CTTNBP2: variants seen among roughly 807,000 people sequenced by gnomAD.
CTTNBP2 encodes the protein cortactin-binding protein 2.
A neutral mutation model predicts 156.9 loss-of-function variants in CTTNBP2; 108 were observed. That is an observed-to-expected ratio of 0.69 (90% CI 0.59 to 0.81). CTTNBP2 has a LOEUF of 0.81. Ranked by LOEUF, CTTNBP2 falls within the 30% of genes least tolerant of loss-of-function variation. The probability of loss-of-function intolerance (pLI) is 0.00; values close to 1 mark genes in which losing one functional copy is unlikely to be tolerated. For synonymous variants in CTTNBP2, 767 were observed against 751.8 expected (o/e 1.02, Z -0.33); for missense variants, 1,924 against 2,035.4 (o/e 0.95, Z 1.05).
chr7:117,720,374 C>T (rs1435968266), intron 20 of CTTNBP2, among the ~76,000 whole-genome samples: 2 of 152,146 alleles, frequency 1.3e-5, no homozygotes, highest in Non-Finnish European at 2.9e-5. Flanking sequence ...CTGAAATAGT[C>T]TATTTCTTAG....
intron 2 of CTTNBP2, among the ~76,000 whole-genome samples, chr7:117,847,819 C>CT (rs201419286): frequency 0.056 from 5,053 of 90,814 alleles, 1,109 homozygotes; most frequent in Non-Finnish European, 0.073. Context: ...TTTGCCTAAC[C>CT]TTTTTTTTTT....
At chr7:117,852,901 G>C (rs927877108) in intron 2 of CTTNBP2, among the ~76,000 whole-genome samples, 1 of 152,094 alleles carries the variant, frequency 6.6e-6, no homozygotes, top group Admixed American at 6.5e-5. Flanking sequence ...TTGCCTTTGG[G>C]GGAGAGACAT....
intron 12 of CTTNBP2, 70 bp from the exon 13 acceptor site, chr7:117,746,169 G>A (rs914276009): frequency 5.9e-6 from 6 of 1,017,718 alleles, no homozygotes; most frequent in Non-Finnish European, 7.6e-6. Flanking sequence ...TGGTACACAG[G>A]TGTGGAATTC....
chr7:117,774,752 G>A (rs905439898), intron 8 of CTTNBP2, among the ~76,000 whole-genome samples: 1 of 152,008 alleles, frequency 6.6e-6, no homozygotes, highest in Admixed American at 6.6e-5. Flanking sequence ...TGAAAACCAC[G>A]TGGAAACTGA....
chr7:117,849,208 C>T (rs1002320673), intron 2 of CTTNBP2, among the ~76,000 whole-genome samples: 1 of 152,202 alleles, frequency 6.6e-6, no homozygotes, highest in Non-Finnish European at 1.5e-5. Context: ...GCGATTTCAC[C>T]GCAAACCCGA....
chr7:117,812,980 T>A (rs559217316), intron 2 of CTTNBP2, among the ~76,000 whole-genome samples: 1 of 152,286 alleles, frequency 6.6e-6, no homozygotes, highest in South Asian at 2.1e-4. Context: ...AAGAGGTATA[T>A]ATGAAAACCT....
At chr7:117,788,506 C>A (rs1334057176) in intron 4 of CTTNBP2, among the ~76,000 whole-genome samples, 1 of 152,150 alleles carries the variant, frequency 6.6e-6, no homozygotes, top group African/African-American at 2.4e-5. Flanking sequence ...GAAGGTTAAT[C>A]CCCTTCAAAG....
At chr7:117,825,514 C>A (rs1801225410) in intron 2 of CTTNBP2, among the ~76,000 whole-genome samples, 1 of 152,190 alleles carries the variant, frequency 6.6e-6, no homozygotes, top group South Asian at 2.1e-4. Context: ...AGAGTCAGTT[C>A]TCATTTATCC....
At chr7:117,716,818 T>C (rs916901889) in intron 22 of CTTNBP2, among the ~76,000 whole-genome samples, 2 of 152,174 alleles carry the variant, frequency 1.3e-5, no homozygotes, top group African/African-American at 4.8e-5. Flanking sequence ...TAGTTCCACA[T>C]GTAATAGCCA....
In CTTNBP2 at chr7:117,810,898, C is replaced by T; in HGVS notation, c.281G>A (p.Gly94Asp). Reference protein sequence around the residue: ...FLALQRDYEAGAGDKEKKPVC... With the variant: ...FLALQRDYEADAGDKEKKPVC... ...TGGCTTCTTCTCTTTGTCACCAGCA[C>T]CTGCTTCATAGTCTCTCTGGAGTGC... Residue 94 changes from glycine (G) to aspartate (D), a missense_variant, in exon 3 of 23, where the codon GGT (glycine) becomes GAT (aspartate). Transcript: ENST00000160373. 3 of 1,614,096 alleles carry T rather than the reference C, an allele frequency of 1.9e-6. No homozygotes were observed. Among genetic ancestry groups the T allele is most frequent in the Non-Finnish European group, 2.5e-6 (3 of 1,179,984 alleles).
intron 2 of CTTNBP2, among the ~76,000 whole-genome samples, chr7:117,847,819 C>CTTTTTTTTTTTTTTTTTTTTTTTT (rs201419286): frequency 5.5e-5 from 5 of 91,370 alleles, no homozygotes; most frequent in African/African-American, 1.9e-4. Context: ...TTTGCCTAAC[C>CTTTTTTTTTTTTTTTTTTTTTTTT]TTTTTTTTTT....
At chr7:117,857,139 T>A (rs144537418) in intron 2 of CTTNBP2, among the ~76,000 whole-genome samples, 3 of 152,288 alleles carry the variant, frequency 2.0e-5, no homozygotes, top group Non-Finnish European at 4.4e-5. Flanking sequence ...CTGAATGTTA[T>A]CTGTTTGTTC....
intron 8 of CTTNBP2, among the ~76,000 whole-genome samples, chr7:117,769,955 C>A (rs1011511479): frequency 3.9e-5 from 6 of 152,126 alleles, no homozygotes; most frequent in African/African-American, 1.4e-4. Context: ...ATCTGTATTT[C>A]AAGTATCTAT....
chr7:117,868,258 G>A (rs1804344326), intron 1 of CTTNBP2, among the ~76,000 whole-genome samples: 1 of 152,192 alleles, frequency 6.6e-6, no homozygotes, highest in African/African-American at 2.4e-5. Flanking sequence ...TCTGTAGGTG[G>A]CAAATATCTG....
intron 2 of CTTNBP2, among the ~76,000 whole-genome samples, chr7:117,812,183 G>A (rs139722658): frequency 6.6e-6 from 1 of 151,904 alleles, no homozygotes; most frequent in East Asian, 1.9e-4. Context: ...TCTATAATTA[G>A]CCTACAAAGT....
intron 20 of CTTNBP2, among the ~76,000 whole-genome samples, chr7:117,720,250 C>G (rs1794707610): frequency 6.6e-6 from 1 of 152,148 alleles, no homozygotes; most frequent in African/African-American, 2.4e-5. Flanking sequence ...CTAAATGTTA[C>G]ATGCCAAGTG....
intron 12 of CTTNBP2, among the ~76,000 whole-genome samples, chr7:117,753,432 C>A (rs1201493554): frequency 6.6e-6 from 1 of 152,138 alleles, no homozygotes; most frequent in East Asian, 1.9e-4. Flanking sequence ...ATAAATCATT[C>A]TATTACAAAG....
intron 2 of CTTNBP2, among the ~76,000 whole-genome samples, chr7:117,817,350 AAAAAAAAAAAAATAT>A (rs1359907525): frequency 8.6e-4 from 48 of 55,496 alleles, no homozygotes; most frequent in Non-Finnish European, 1.5e-3. Flanking sequence ...AAAAAAAAAA[AAAAAAAAAAAAATAT>A]ATATATATAT....
intron 9 of CTTNBP2, among the ~76,000 whole-genome samples, chr7:117,764,182 C>A (rs1163212770): frequency 1.3e-5 from 2 of 152,158 alleles, no homozygotes; most frequent in Non-Finnish European, 2.9e-5. Flanking sequence ...TTACCTACAT[C>A]TTACTTCCTC....
Sources: allele counts gnomAD v4.1 joint callset (sites outside exome capture counted in the v4.1 genomes callset), GRCh38; gene constraint gnomAD v4.1.1; transcripts MANE v1.5; gene names NCBI Gene and HGNC (gene_info 2026-07-23, HGNC 2026-07-21).